Variants in ADCY5 observed in about 807,000 individuals in gnomAD.
The protein encoded by ADCY5 is adenylate cyclase 5, also known as adenylate cyclase type 5.
A neutral mutation model predicts 119.7 loss-of-function variants in ADCY5; 30 were observed. The ratio of observed to expected loss-of-function variants is 0.25; its 90% CI spans 0.19 to 0.34. The LOEUF is 0.34. Ranked by LOEUF, ADCY5 falls within the 10% of genes least tolerant of loss-of-function variation. ADCY5 has a pLI of 1.00. For missense variants in ADCY5, 1,324 were observed against 1,775.2 expected (o/e 0.75, Z 4.57); for synonymous variants, 753 against 762.2 (o/e 0.99, Z 0.20).
At chr3:123,325,197 G>T in intron 8 of ADCY5, 125 bp downstream of exon 8, 1 of 1,299,048 alleles carries the variant, frequency 7.7e-7, no homozygotes, top group Non-Finnish European at 1.1e-6. Flanking sequence ...AACCGCACTT[G>T]TATTTGCTTG....
chr3:123,303,844 AAGAG>A (rs1940011032), intron 13 of ADCY5, among the ~76,000 whole-genome samples: 1 of 54,124 alleles, frequency 1.8e-5, no homozygotes, highest in Non-Finnish European at 3.2e-5. Flanking sequence ...AAGAAAAGAG[AAGAG>A]AAGAGAAGAG....
chr3:123,297,311 C>A lies in ADCY5; in HGVS notation c.2930+42G>T, dbSNP rs1488930011. On this transcript the variant is annotated intron_variant, in intron 16 of 20. Transcript: ENST00000462833. ...AGCTGCCCTCCCTGTCTGCTCTGTG[C>A]TGAGGGCAGGGAGCGACCCTATCCG... 5.6e-6 allele frequency: 9 copies of A among 1,608,164 alleles called. No homozygotes were observed. In the East Asian group the frequency reaches 1.8e-4, roughly 32 times the overall value.
intron 1 of ADCY5, among the ~76,000 whole-genome samples, chr3:123,379,357 T>C (rs1017135687): frequency 3.3e-5 from 5 of 152,022 alleles, no homozygotes; most frequent in African/African-American, 7.3e-5. Context: ...GGAGTGGGGT[T>C]TGGGGAAGTG....
Position 123,346,157 on chromosome 3 carries a change from C to T in ADCY5, c.1406+1625G>A, listed in dbSNP as rs1381633614. ...GGTGTGACCTCTCACTGCTAGTGAT[C>T]GTTCCACCATGGGAGGGCCAAGGTG... On this transcript the variant is annotated intron_variant, in intron 3 of 20. Coordinates refer to ENST00000462833, the MANE Select transcript of ADCY5 (RefSeq NM_183357.3). Among the ~76,000 whole-genome samples the T allele has an allele frequency of 9.9e-5, 15 of 152,232 alleles. 1 individual carries two copies. The highest frequency in any genetic ancestry group is 8.5e-4 in the Admixed American group (13 of 15,288).
chr3:123,438,949 A>T (rs1031609360), intron 1 of ADCY5, among the ~76,000 whole-genome samples: 1 of 151,822 alleles, frequency 6.6e-6, no homozygotes. Context: ...ACAGGGTCTC[A>T]CTATTTTGCC....
chr3:123,372,478 A>G (rs1297751555), intron 1 of ADCY5, among the ~76,000 whole-genome samples: 4 of 152,216 alleles, frequency 2.6e-5, no homozygotes, highest in Non-Finnish European at 4.4e-5. Context: ...ATTTGGAGGA[A>G]GCAGCACCCC....
chr3:123,353,262 C>T (rs1171450526), intron 1 of ADCY5, among the ~76,000 whole-genome samples: 3 of 152,186 alleles, frequency 2.0e-5, no homozygotes, highest in African/African-American at 7.2e-5. Context: ...CACCACTGAC[C>T]CTCCAGGTCA....
At chr3:123,445,447 A>T (rs1268184413) in intron 1 of ADCY5, among the ~76,000 whole-genome samples, 1 of 150,258 alleles carries the variant, frequency 6.7e-6, no homozygotes, top group Non-Finnish European at 1.5e-5. Context: ...TCTGGTTCAC[A>T]AAATACCCTG....
At chr3:123,367,771 C>T in intron 1 of ADCY5, 1 of 1,330,706 alleles carries the variant, frequency 7.5e-7, no homozygotes, top group Non-Finnish European at 1.0e-6. Flanking sequence ...ATCCCCTAGC[C>T]TGATCCACTC....
chr3:123,401,251 C>T (rs139984499), intron 1 of ADCY5, among the ~76,000 whole-genome samples: 14 of 152,244 alleles, frequency 9.2e-5, no homozygotes, highest in African/African-American at 3.1e-4. Flanking sequence ...CTAACATGTC[C>T]GGGTAGGTCA....
chr3:123,295,097 C>G (rs1939417627), intron 17 of ADCY5, among the ~76,000 whole-genome samples: 1 of 152,212 alleles, frequency 6.6e-6, no homozygotes, highest in African/African-American at 2.4e-5. Context: ...CCTCCGTGCT[C>G]AATTCCAGCC....
At chr3:123,321,740 C>T (rs142900201) in intron 8 of ADCY5, among the ~76,000 whole-genome samples, 4 of 152,278 alleles carry the variant, frequency 2.6e-5, no homozygotes, top group African/African-American at 9.6e-5. Flanking sequence ...AATGAGGACA[C>T]GGTTTGAAAA....
intron 1 of ADCY5, among the ~76,000 whole-genome samples, chr3:123,426,314 G>GT (rs10663844): frequency 7.0e-6 from 1 of 142,888 alleles, no homozygotes; most frequent in Non-Finnish European, 1.5e-5. Context: ...TTTTTTGTTT[G>GT]TTTTTGTTTG....
intron 1 of ADCY5, among the ~76,000 whole-genome samples, chr3:123,423,685 C>T (rs1301133098): frequency 6.6e-6 from 1 of 152,228 alleles, no homozygotes; most frequent in African/African-American, 2.4e-5. Flanking sequence ...AGAAGGGCCC[C>T]AGAGGACAGG....
At chr3:123,433,953 G>A (rs763256669) in intron 1 of ADCY5, among the ~76,000 whole-genome samples, 5 of 152,120 alleles carry the variant, frequency 3.3e-5, no homozygotes, top group Non-Finnish European at 7.3e-5. Context: ...AAACACTTCA[G>A]CACAGCACCA....
At chr3:123,349,098 G>A (rs1191812212) in intron 2 of ADCY5, among the ~76,000 whole-genome samples, 2 of 152,030 alleles carry the variant, frequency 1.3e-5, no homozygotes, top group African/African-American at 2.4e-5. Flanking sequence ...CCTACCTCCC[G>A]TCCATGGCTT....
At chr3:123,380,167 T>G (rs1943982348) in intron 1 of ADCY5, among the ~76,000 whole-genome samples, 2 of 152,292 alleles carry the variant, frequency 1.3e-5, no homozygotes, top group South Asian at 4.2e-4. Context: ...CAGTTTGGTC[T>G]CCTAGGAAAA....
In ADCY5 at chr3:123,282,789, A is replaced by T. The variant is rs1938457247; in HGVS notation, c.*1819T>A. Reference sequence around the variant, plus strand: ...TGCGGGGAGGGGAGGGTGGTGCTAGAGCCCAGTGAGAGGTGGTACAGGTGG... The same window carrying T: ...TGCGGGGAGGGGAGGGTGGTGCTAGTGCCCAGTGAGAGGTGGTACAGGTGG... On this transcript the variant is annotated 3_prime_UTR_variant, in exon 21 of 21. Transcript: ENST00000462833. 6.6e-6 allele frequency: 1 copy of T among 152,194 alleles called. No individual in the cohort carries two copies. The highest frequency in any genetic ancestry group is 1.5e-5 in the Non-Finnish European group (1 of 68,074). 9.4% of individuals were successfully genotyped at this position (152,194 alleles called of 1,614,324 possible). A position where few individuals can be genotyped will look rare whatever the true frequency, so the allele number is the denominator to read the frequency against.
chr3:123,301,812 T>C (rs1939867876), intron 14 of ADCY5, among the ~76,000 whole-genome samples: 2 of 151,856 alleles, frequency 1.3e-5, no homozygotes, highest in South Asian at 2.1e-4. Flanking sequence ...CAGCCAGATA[T>C]GAGAGGCAGC....
Sources: gnomAD v4.1 joint callset for allele counts (sites outside exome capture counted in the v4.1 genomes callset) on GRCh38, gnomAD v4.1.1 for gene constraint, MANE v1.5 for transcripts, NCBI Gene and HGNC (gene_info 2026-07-23, HGNC 2026-07-21) for gene names.